CDKAL1: variants seen among roughly 807,000 people sequenced by gnomAD.
CDKAL1 encodes the protein CDKAL1 threonylcarbamoyladenosine tRNA methylthiotransferase.
In CDKAL1, 32 loss-of-function variants were observed where a neutral mutation model predicts 68.2. That is an observed-to-expected ratio of 0.47 (90% confidence interval 0.35 to 0.63). The LOEUF (loss-of-function observed/expected upper bound fraction) is 0.63. Ranked by LOEUF, CDKAL1 falls within the 30% of genes least tolerant of loss-of-function variation. The pLI, the probability that CDKAL1 is intolerant of heterozygous loss-of-function variation, is 0.00. For synonymous variants in CDKAL1, 234 were observed against 244.3 expected, an observed-to-expected ratio of 0.96 and a Z score of 0.39; for missense variants, 606 against 696.7, an observed-to-expected ratio of 0.87 and a Z score of 1.47.
At chr6:20,693,079 G>A (rs1258068998) in intron 5 of CDKAL1, among the ~76,000 whole-genome samples, 3 of 146,414 alleles carry the variant, frequency 2.0e-5, no homozygotes, top group Non-Finnish European at 3.0e-5. Context: ...GCAGTGAGCC[G>A]AGGTTGCGCC....
chr6:20,802,115 T>C (rs959331820), intron 8 of CDKAL1, among the ~76,000 whole-genome samples: 1 of 152,016 alleles, frequency 6.6e-6, no homozygotes, highest in African/African-American at 2.4e-5. Flanking sequence ...CTGGCCAACA[T>C]GGTGAAACCC....
intron 4 of CDKAL1, among the ~76,000 whole-genome samples, chr6:20,626,285 G>T (rs531117867): frequency 1.3e-5 from 2 of 152,082 alleles, no homozygotes; most frequent in African/African-American, 4.8e-5. Context: ...TTGCAAATAA[G>T]CTTCCTGCTA....
At chr6:20,930,573 T>A (rs1763395424) in intron 9 of CDKAL1, among the ~76,000 whole-genome samples, 1 of 152,192 alleles carries the variant, frequency 6.6e-6, no homozygotes, top group Non-Finnish European at 1.5e-5. Flanking sequence ...ACAAAACCCA[T>A]GTCGAAACCT....
chr6:20,910,469 TG>T (rs1762419679), intron 9 of CDKAL1, among the ~76,000 whole-genome samples: 1 of 152,220 alleles, frequency 6.6e-6, no homozygotes, highest in African/African-American at 2.4e-5. Context: ...CAACCTTTCC[TG>T]TGGAGAAAAT....
chr6:20,828,864 G>T (rs1184402787), intron 8 of CDKAL1, among the ~76,000 whole-genome samples: 1 of 152,010 alleles, frequency 6.6e-6, no homozygotes, highest in East Asian at 1.9e-4. Context: ...CCCATTCCCT[G>T]CAGCCCCACC....
At chr6:21,006,970 A>T (rs1041567741) in intron 11 of CDKAL1, among the ~76,000 whole-genome samples, 3 of 152,150 alleles carry the variant, frequency 2.0e-5, no homozygotes, top group African/African-American at 7.2e-5. Context: ...AGGTCCAATC[A>T]CATATACATG....
At chr6:20,839,795 C>G (rs1778103554) in intron 8 of CDKAL1, among the ~76,000 whole-genome samples, 1 of 152,152 alleles carries the variant, frequency 6.6e-6, no homozygotes, top group Non-Finnish European at 1.5e-5. Flanking sequence ...TTACTGGATA[C>G]CTTTCTGCCT....
chr6:20,747,582 T>A (rs1440296631), intron 6 of CDKAL1, among the ~76,000 whole-genome samples: 1 of 152,220 alleles, frequency 6.6e-6, no homozygotes, highest in African/African-American at 2.4e-5. Context: ...CATTATGATG[T>A]TGACCACATT....
chr6:20,889,628 T>A (rs575411533), intron 9 of CDKAL1, among the ~76,000 whole-genome samples: 4 of 152,356 alleles, frequency 2.6e-5, no homozygotes, highest in African/African-American at 7.2e-5. Context: ...CCTTTCCCCA[T>A]TTCTTATTTT....
intron 10 of CDKAL1, among the ~76,000 whole-genome samples, chr6:20,988,128 C>T (rs552821343): frequency 4.7e-5 from 7 of 150,138 alleles, no homozygotes; most frequent in Non-Finnish European, 7.4e-5. Flanking sequence ...TGTTTTTATC[C>T]GTAACATGAG....
intron 12 of CDKAL1, among the ~76,000 whole-genome samples, chr6:21,092,254 C>CTT (rs373536956): frequency 7.9e-6 from 1 of 126,530 alleles, no homozygotes; most frequent in Non-Finnish European, 1.6e-5. Context: ...TTAACTGATT[C>CTT]TTTTTTTTTT....
chr6:20,750,768 A>G lies in CDKAL1; in HGVS notation c.469-7827A>G, dbSNP rs186068524. Among the ~76,000 whole-genome samples the G allele has an allele frequency of 3.9e-3, 590 of 152,180 alleles. 3 individuals carry two copies. The highest frequency in any genetic ancestry group is 5.2e-3 in the Non-Finnish European group (353 of 68,006). On this transcript the variant is annotated intron_variant, in intron 6 of 15. Coordinates refer to ENST00000274695, the MANE Select transcript of CDKAL1 (RefSeq NM_017774.3). ...CACTTGAGGTCAGGAGTTCGGGATC[A>G]GTCTGGCCAACATGGTGAAACCCTA...
chr6:20,584,409 C>T (rs1385061851), intron 4 of CDKAL1, among the ~76,000 whole-genome samples: 1 of 152,104 alleles, frequency 6.6e-6, no homozygotes, highest in Non-Finnish European at 1.5e-5. Flanking sequence ...AGTGAGTAGT[C>T]ACCATTTTGG....
intron 12 of CDKAL1, among the ~76,000 whole-genome samples, chr6:21,071,999 G>A (rs1234351991): frequency 6.6e-6 from 1 of 152,138 alleles, no homozygotes; most frequent in African/African-American, 2.4e-5. Context: ...ACTGAAGATG[G>A]CACTGGGAAG....
intron 12 of CDKAL1, among the ~76,000 whole-genome samples, chr6:21,091,857 C>CTTTTTTTTTTTTTTTTTT (rs70990099): frequency 2.8e-5 from 2 of 70,538 alleles, no homozygotes; most frequent in Admixed American, 1.8e-4. Context: ...TCAGAACTTT[C>CTTTTTTTTTTTTTTTTTT]TTTTTTTTTT....
In CDKAL1 at chr6:20,739,544, A is replaced by G; in HGVS notation, c.397A>G (p.Ile133Val). 2 of 1,612,510 alleles carry G rather than the reference A, an allele frequency of 1.2e-6. No homozygotes were observed. Among genetic ancestry groups the G allele is most frequent in the Non-Finnish European group, 1.7e-6 (2 of 1,179,066 alleles). Residue 133 changes from isoleucine (I) to valine (V), a missense_variant, in exon 6 of 16, where the codon ATC (isoleucine) becomes GTC (valine). Transcript: ENST00000274695. The stretch of plus-strand genomic sequence containing the variant: ...AAAAGCTCAAGAGGAGAACAAGAAA[A>G]TCGTACTGGCTGGATGCGTTCCTCA... The part of the protein sequence containing the change: ...IKKAQEENKK[I>V]VLAGCVPQAQ...
At chr6:21,206,998 C>T (rs1778967925) in intron 15 of CDKAL1, among the ~76,000 whole-genome samples, 1 of 151,490 alleles carries the variant, frequency 6.6e-6, no homozygotes, top group African/African-American at 2.4e-5. Flanking sequence ...CTGCCACCTT[C>T]GCCTCCTGGG....
At position 20,758,366 on chromosome 6, in the gene CDKAL1, A is replaced by G. The variant is rs540071765; in HGVS notation, c.469-229A>G. Among the ~76,000 whole-genome samples the G allele has an allele frequency of 3.9e-5, 6 of 152,330 alleles. No homozygotes were observed. The East Asian group carries it at 9.6e-4, about 24-fold the overall frequency. ...AACTCCAGGCAGTTTATTTAAATGC[A>G]ATATGATATCTTCAGTTATCATTGG... On this transcript the variant is annotated intron_variant, in intron 6 of 15. Transcript: ENST00000274695.
At chr6:20,741,233 G>T (rs1056297176) in intron 6 of CDKAL1, among the ~76,000 whole-genome samples, 1 of 151,740 alleles carries the variant, frequency 6.6e-6, no homozygotes, top group Admixed American at 6.6e-5. Context: ...CAATTTTCAG[G>T]GCCGACACAA....
Sources: gnomAD v4.1 joint callset for allele counts (sites outside exome capture counted in the v4.1 genomes callset) on GRCh38, gnomAD v4.1.1 for gene constraint, MANE v1.5 for transcripts, NCBI Gene and HGNC (gene_info 2026-07-23, HGNC 2026-07-21) for gene names.